The following BRWD1 variants were observed in gnomAD, a reference collection of about 807,000 sequenced individuals.
The protein encoded by BRWD1 is bromodomain and WD repeat-containing protein 1.
Under a neutral mutation model 251.2 loss-of-function variants are expected in BRWD1, and 82 were observed. The ratio of observed to expected loss-of-function variants is 0.33; its 90% CI spans 0.27 to 0.39. The LOEUF (loss-of-function observed/expected upper bound fraction) is 0.39, where lower values mean the gene tolerates loss of function less well. Among genes scored for constraint, BRWD1 ranks in the 10% least tolerant of loss-of-function variants. The pLI, the probability that BRWD1 is intolerant of heterozygous loss-of-function variation, is 1.00. For synonymous variants in BRWD1, 918 were observed against 902.8 expected, an observed-to-expected ratio of 1.02 and a Z score of -0.30; for missense variants, 2,233 against 2,711.6, an observed-to-expected ratio of 0.82 and a Z score of 3.92.
intron 17 of BRWD1, among the ~76,000 whole-genome samples, chr21:39,261,745 CA>C (rs201027105): frequency 8.9e-6 from 1 of 112,394 alleles, no homozygotes; most frequent in African/African-American, 3.3e-5. Context: ...ATATGGAACA[CA>C]AAAAAAAATC....
Position 39,190,651 on chromosome 21 carries a change from A to C in BRWD1, c.*5608T>G, listed in dbSNP as rs1434093896. The C allele has an allele frequency of 2.0e-6, 2 of 985,296 alleles. No individual in the cohort carries two copies. Among genetic ancestry groups the C allele is most frequent in the African/African-American group, 3.5e-5 (2 of 57,226 alleles). The allele number at this position is 985,296 out of a possible 1,614,324, so 61.0% of individuals were successfully genotyped here. On this transcript the variant is annotated 3_prime_UTR_variant, in exon 41 of 41. Transcript: ENST00000342449. ...ACTCAGAAAGCAAATAACATTTATC[A>C]ATGATCTTCATCCCTCCCAAAGCAG...
In BRWD1 at chr21:39,191,926, T is replaced by C. The variant is rs888216077; in HGVS notation, c.*4333A>G. ...AGCATTGATAATTAAATTCAAACTA[T>C]TGGTCTTGCCATACTTGAGAAACAG... On this transcript the variant is annotated 3_prime_UTR_variant, in exon 41 of 41. Transcript: ENST00000342449. 49 of 983,772 alleles carry C rather than the reference T, an allele frequency of 5.0e-5. No individual in the cohort carries two copies. Among genetic ancestry groups the C allele is most frequent in the Non-Finnish European group, 5.8e-5 (48 of 828,600 alleles). The allele number at this position is 983,772 out of a possible 1,614,324, so 60.9% of individuals were successfully genotyped here. A position where few individuals can be genotyped will look rare whatever the true frequency, so the allele number is the denominator to read the frequency against.
chr21:39,281,116 T>C (rs1001872231), intron 8 of BRWD1, among the ~76,000 whole-genome samples: 38 of 152,200 alleles, frequency 2.5e-4, no homozygotes, highest in Non-Finnish European at 8.8e-5. Context: ...GAACAAAGTG[T>C]TCATTTCTCA....
intron 17 of BRWD1, among the ~76,000 whole-genome samples, chr21:39,260,054 C>T (rs996905053): frequency 1.3e-4 from 19 of 151,904 alleles, no homozygotes; most frequent in Non-Finnish European, 2.4e-4. Flanking sequence ...CTATGGAAAC[C>T]AAAGAAGAAC....
At chr21:39,265,630 A>C (rs1416473784) in intron 15 of BRWD1, among the ~76,000 whole-genome samples, 1 of 152,248 alleles carries the variant, frequency 6.6e-6, no homozygotes, top group Non-Finnish European at 1.5e-5. Context: ...AAACAATTTC[A>C]TAAATTTTTG....
In BRWD1 at chr21:39,229,422, A is replaced by G. The variant is rs775680652; in HGVS notation, c.3015T>C (p.Val1005=). 2.5e-6 allele frequency: 4 copies of G among 1,608,796 alleles called. No individual in the cohort carries two copies. The East Asian group carries it at 8.9e-5, about 36-fold the overall frequency. ...CTTCATATCGTATTCCAACTATTTTAACCAATTCTTGATCCTTTAACAGAC... is the reference window on the plus strand; with the variant it reads ...CTTCATATCGTATTCCAACTATTTTGACCAATTCTTGATCCTTTAACAGAC... The part of the protein sequence containing the change: ...RKMDLRDQEL[V]KIVGIRYEVG... Residue 1005 remains valine (V), a synonymous_variant, in exon 26 of 41, where the codon GTT becomes GTC. Transcript: ENST00000342449.
At chr21:39,315,233 G>A (rs1049435859), upstream of BRWD1, among the ~76,000 whole-genome samples, 1 of 151,924 alleles carries the variant, frequency 6.6e-6, no homozygotes, top group Non-Finnish European at 1.5e-5. Context: ...CGAACTCCTG[G>A]CCTCAGGTGA....
chr21:39,296,884 A>G, intron 5 of BRWD1: 5 of 982,984 alleles, frequency 5.1e-6, no homozygotes, highest in Non-Finnish European at 6.0e-6. Flanking sequence ...AGCTTTTATA[A>G]GGAAAAAGTT....
chr21:39,262,204 T>C (rs1312172996), intron 17 of BRWD1, among the ~76,000 whole-genome samples: 1 of 152,104 alleles, frequency 6.6e-6, no homozygotes, highest in Non-Finnish European at 1.5e-5. Context: ...AAATGACAAA[T>C]TCCACGTGAC....
intron 28 of BRWD1, among the ~76,000 whole-genome samples, chr21:39,224,761 T>G (rs780085242): frequency 1.3e-5 from 2 of 152,184 alleles, no homozygotes; most frequent in Non-Finnish European, 2.9e-5. Context: ...CCATTGCCAA[T>G]GAAGAGGCGT....
At chr21:39,275,787 C>T (rs2035261560) in intron 12 of BRWD1, among the ~76,000 whole-genome samples, 1 of 152,078 alleles carries the variant, frequency 6.6e-6, no homozygotes, top group African/African-American at 2.4e-5. Context: ...AATCCCAGCA[C>T]TTTAGGAGGG....
chr21:39,239,401 T>C (rs2033916475), intron 21 of BRWD1, among the ~76,000 whole-genome samples: 1 of 152,220 alleles, frequency 6.6e-6, no homozygotes, highest in South Asian at 2.1e-4. Flanking sequence ...TGTATGTGAA[T>C]GTCCAGTTAT....
In BRWD1 at chr21:39,236,584, G is replaced by A. The variant is rs186217654; in HGVS notation, c.2766+11C>T. On this transcript the variant is annotated intron_variant, in intron 23 of 40. Coordinates refer to ENST00000342449, the MANE Select transcript of BRWD1 (RefSeq NM_033656.4). ...TGATACATGCTATTTTTAAAGATAC[G>A]TTTTTCTTACCTCCTTCTTAGGCTT... 6.5e-4 allele frequency: 1,025 copies of A among 1,570,404 alleles called. 3 individuals carry two copies. Among genetic ancestry groups the A allele is most frequent in the Non-Finnish European group, 5.2e-4 (601 of 1,154,824 alleles).
At chr21:39,307,004 C>A (rs1420513973) in intron 4 of BRWD1, among the ~76,000 whole-genome samples, 2 of 152,158 alleles carry the variant, frequency 1.3e-5, no homozygotes, top group Non-Finnish European at 2.9e-5. Context: ...CAGGCACCTG[C>A]CACCACGCCC....
At chr21:39,315,125 T>C (rs2036673355), upstream of BRWD1, among the ~76,000 whole-genome samples, 2 of 151,986 alleles carry the variant, frequency 1.3e-5, no homozygotes, top group South Asian at 4.1e-4. Flanking sequence ...GCCTCCCGAG[T>C]AGCTGGAATT....
rs1485905756 is a variant in BRWD1 at position 39,197,166 on chromosome 21, G to T, written c.5903C>A (p.Ala1968Asp). ...CAATTTCTTCTTAGCTGTAGTACAA[G>T]CAAGATGGAGAGGTTTTTTCCTTCC... ...KNGRKKPLHL[A>D]CTTAKKKLSD... Residue 1968 changes from alanine to aspartate, a missense_variant, in exon 41 of 41, where the codon GCT becomes GAT. Coordinates refer to ENST00000342449, the MANE Select transcript of BRWD1 (RefSeq NM_033656.4). The T allele has an allele frequency of 1.9e-6, 3 of 1,614,108 alleles. No individual in the cohort carries two copies. The highest frequency in any genetic ancestry group is 2.5e-6 in the Non-Finnish European group (3 of 1,179,958).
chr21:39,287,445 ATGTT>A (rs1399340607), intron 8 of BRWD1, among the ~76,000 whole-genome samples: 1 of 152,342 alleles, frequency 6.6e-6, no homozygotes, highest in East Asian at 1.9e-4. Flanking sequence ...GGTAGAGAAA[ATGTT>A]TAACTACAGA....
chr21:39,288,697 T>C (rs2035717295), intron 8 of BRWD1, among the ~76,000 whole-genome samples: 1 of 152,190 alleles, frequency 6.6e-6, no homozygotes, highest in Admixed American at 6.5e-5. Flanking sequence ...TTATATAATG[T>C]ATTCTTATAA....
chr21:39,193,998 C>T lies in BRWD1; in HGVS notation c.*2261G>A, dbSNP rs1330532994. On this transcript the variant is annotated 3_prime_UTR_variant, in exon 41 of 41. Transcript: ENST00000342449. Reference sequence around the variant, plus strand: ...TCATAACTTGAGAAGCTACCATTGTCGGCTATGCTTTTAAAGACATCAGGT... The same window carrying T: ...TCATAACTTGAGAAGCTACCATTGTTGGCTATGCTTTTAAAGACATCAGGT... 4.1e-6 allele frequency: 4 copies of T among 985,402 alleles called. No homozygotes were observed. Among genetic ancestry groups the T allele is most frequent in the East Asian group, 1.1e-4 (1 of 8,824 alleles). The allele number at this position is 985,402 out of a possible 1,614,324, so 61.0% of individuals were successfully genotyped here.
Sources: allele counts gnomAD v4.1 joint callset (sites outside exome capture counted in the v4.1 genomes callset), GRCh38; gene constraint gnomAD v4.1.1; transcripts MANE v1.5; gene names NCBI Gene and HGNC (gene_info 2026-07-23, HGNC 2026-07-21).